Variants in KCNN2 observed in about 807,000 individuals in gnomAD.
The protein encoded by KCNN2 is small conductance calcium-activated potassium channel protein 2.
KCNN2 carries 24 observed loss-of-function variants against 55.5 expected under a neutral mutation model. That is an observed-to-expected ratio of 0.43 (90% CI 0.31 to 0.61). KCNN2 has a LOEUF of 0.61. KCNN2 is among the 20% of genes least tolerant of loss of function. The pLI, the probability that KCNN2 is intolerant of heterozygous loss-of-function variation, is 0.08. For missense variants in KCNN2, 754 were observed against 853.6 expected (o/e 0.88, Z 1.45); for synonymous variants, 431 against 336.1 (o/e 1.28, Z -3.09).
At chr5:114,364,023 A>G (rs1472976579) in intron 2 of KCNN2, 22 bp downstream of exon 2, 2 of 1,555,194 alleles carry the variant, frequency 1.3e-6, no homozygotes, top group African/African-American at 1.4e-5. Flanking sequence ...CCTGCTGTTT[A>G]TGAATGACCC....
chr5:114,146,703 A>C (rs756385399), intron 1 of KCNN2, among the ~76,000 whole-genome samples: 2 of 152,190 alleles, frequency 1.3e-5, no homozygotes, highest in African/African-American at 4.8e-5. Flanking sequence ...ACAGTATTGT[A>C]CAATTTGTTT....
At chr5:114,134,762 A>G (rs2112617153) in intron 1 of KCNN2, among the ~76,000 whole-genome samples, 1 of 152,256 alleles carries the variant, frequency 6.6e-6, no homozygotes, top group African/African-American at 2.4e-5. Flanking sequence ...GGCGTGAGCC[A>G]CCGCACCCAG....
In KCNN2 at chr5:114,362,955, G is replaced by T. The variant is rs1477711648; in HGVS notation, c.816G>T (p.Ser272=). 1.9e-6 allele frequency: 3 copies of T among 1,584,988 alleles called. No homozygotes were observed. The highest frequency in any genetic ancestry group is 2.6e-6 in the Non-Finnish European group (3 of 1,173,050). The change falls in exon 1 of 8, where the codon TCG becomes TCT. Residue 272 remains serine (S), a synonymous_variant. Transcript: ENST00000673685. ...CCGCTGCCGCCGCCGCCGCTGTTTC[G>T]TCCTCAGCCCCCGAGATCGTGGTGT... The part of the protein sequence containing the change: ...SAAAAAAAAV[S]SSAPEIVVSK...
At chr5:114,478,630 A>G (rs1762082127) in intron 5 of KCNN2, among the ~76,000 whole-genome samples, 1 of 152,096 alleles carries the variant, frequency 6.6e-6, no homozygotes, top group African/African-American at 2.4e-5. Context: ...GCAAGAAAAA[A>G]AAGTTAAGGG....
chr5:114,488,035 C>CA (rs1747658493), intron 6 of KCNN2, among the ~76,000 whole-genome samples: 1 of 152,186 alleles, frequency 6.6e-6, no homozygotes, highest in East Asian at 1.9e-4. Context: ...CAAGAAAACT[C>CA]AGAGGCTGCA....
At chr5:114,238,286 G>A (rs1049609527) in intron 2 of KCNN2, among the ~76,000 whole-genome samples, 14 of 152,144 alleles carry the variant, frequency 9.2e-5, no homozygotes, top group Non-Finnish European at 8.8e-5. Flanking sequence ...CTATTTCCAT[G>A]AAGACCTCTA....
intron 2 of KCNN2, among the ~76,000 whole-genome samples, chr5:114,305,743 C>T (rs1015468514): frequency 6.6e-6 from 1 of 152,160 alleles, no homozygotes; most frequent in South Asian, 2.1e-4. Flanking sequence ...AGCAGCACAA[C>T]TGGACCAGGA....
At chr5:114,170,567 C>G (rs1187492646) in intron 1 of KCNN2, among the ~76,000 whole-genome samples, 3 of 151,978 alleles carry the variant, frequency 2.0e-5, no homozygotes, top group African/African-American at 7.2e-5. Flanking sequence ...GTTGGGGCCG[C>G]CATGTTTTCC....
At chr5:114,242,838 C>A (rs950442539) in intron 2 of KCNN2, among the ~76,000 whole-genome samples, 4 of 152,114 alleles carry the variant, frequency 2.6e-5, no homozygotes, top group Non-Finnish European at 5.9e-5. Context: ...TCCCCTATTA[C>A]AAATTAATAA....
intron 1 of KCNN2, among the ~76,000 whole-genome samples, chr5:114,113,954 T>G (rs899792560): frequency 5.3e-5 from 8 of 152,100 alleles, no homozygotes; most frequent in African/African-American, 1.9e-4. Context: ...ATGACCTATT[T>G]TGGGGTAGCA....
intron 7 of KCNN2, among the ~76,000 whole-genome samples, chr5:114,494,079 G>A (rs1470216932): frequency 6.6e-6 from 1 of 151,892 alleles, no homozygotes; most frequent in African/African-American, 2.4e-5. Flanking sequence ...TCTGATCAAT[G>A]TTTAGTTGTT....
chr5:114,173,438 T>G (rs1048764025), intron 1 of KCNN2, among the ~76,000 whole-genome samples: 75 of 142,202 alleles, frequency 5.3e-4, no homozygotes, highest in East Asian at 2.9e-3. Context: ...TTTGTTTTGT[T>G]TGTGTGTGTG....
intron 5 of KCNN2, among the ~76,000 whole-genome samples, chr5:114,480,035 CAG>C (rs1233117835): frequency 6.6e-6 from 1 of 151,652 alleles, no homozygotes; most frequent in Non-Finnish European, 1.5e-5. Flanking sequence ...CTGAAGAAGA[CAG>C]AGACACAAAT....
chr5:114,281,637 G>T (rs72799634), intron 2 of KCNN2, among the ~76,000 whole-genome samples: 4 of 139,448 alleles, frequency 2.9e-5, no homozygotes, highest in African/African-American at 1.0e-4. Flanking sequence ...GTGTGTGTGT[G>T]TGTGTGTGTG....
chr5:114,225,360 A>C (rs1404250389), intron 2 of KCNN2, among the ~76,000 whole-genome samples: 1 of 152,216 alleles, frequency 6.6e-6, no homozygotes, highest in Non-Finnish European at 1.5e-5. Context: ...ATATAGAAGA[A>C]GCATCAAGAA....
At chr5:114,156,948 T>C (rs1286981908) in intron 1 of KCNN2, among the ~76,000 whole-genome samples, 2 of 152,120 alleles carry the variant, frequency 1.3e-5, no homozygotes, top group South Asian at 2.1e-4. Context: ...TGTTTAGTTA[T>C]GTAGTATACC....
At chr5:114,071,544 A>G (rs1011702435) in intron 1 of KCNN2, among the ~76,000 whole-genome samples, 2 of 152,226 alleles carry the variant, frequency 1.3e-5, no homozygotes, top group Non-Finnish European at 2.9e-5. Flanking sequence ...ATAACAGTTG[A>G]GTTGATATAC....
At chr5:114,487,235 A>C (rs1342220437) in intron 6 of KCNN2, 58 bp downstream of exon 6, 7 of 1,509,028 alleles carry the variant, frequency 4.6e-6, no homozygotes, top group Non-Finnish European at 6.4e-6. Flanking sequence ...CAATTTTTGC[A>C]CTTGTTTATT....
At position 114,363,172 on chromosome 5, in the gene KCNN2, C is replaced by A; in HGVS notation, c.1033C>A (p.Arg345=). The change falls in exon 1 of 8, where the codon CGG becomes AGG. Residue 345 remains arginine, a synonymous_variant. Coordinates refer to ENST00000673685, the MANE Select transcript of KCNN2 (RefSeq NM_021614.4). ...GCGCGCCCTGTTCGAAAAGCGCAAG[C>A]GGCTCAGCGACTACGCGCTCATCTT... ...HRRALFEKRK[R]LSDYALIFGM... 1 of 1,613,490 alleles carries A rather than the reference C, an allele frequency of 6.2e-7. No individual in the cohort carries two copies. Among genetic ancestry groups the A allele is most frequent in the South Asian group, 1.1e-5 (1 of 91,086 alleles).
Sources: allele counts gnomAD v4.1 joint callset (sites outside exome capture counted in the v4.1 genomes callset), GRCh38; gene constraint gnomAD v4.1.1; transcripts MANE v1.5; gene names NCBI Gene and HGNC (gene_info 2026-07-23, HGNC 2026-07-21).